Variants in TSNAXIP1 observed in about 807,000 individuals in gnomAD.
TSNAXIP1 encodes the protein translin-associated factor X-interacting protein 1.
A neutral mutation model predicts 84.8 loss-of-function variants in TSNAXIP1; 89 were observed. The ratio of observed to expected loss-of-function variants is 1.05; its 90% CI spans 0.88 to 1.25. TSNAXIP1 has a LOEUF of 1.25. TSNAXIP1 is among the 50% of genes most tolerant of loss of function. The pLI is 0.00. For missense variants in TSNAXIP1, 874 were observed against 887.6 expected (o/e 0.98, Z 0.20); for synonymous variants, 347 against 335.2 (o/e 1.04, Z -0.39).
At position 67,827,491 on chromosome 16, in the gene TSNAXIP1, G is replaced by A; in HGVS notation, c.1810G>A (p.Glu604Lys). The change falls in exon 15 of 16, where the codon GAG becomes AAG. Residue 604 changes from glutamate (E) to lysine (K), a missense_variant. By Grantham distance (56) the Glu-to-Lys change is moderately conservative. Transcript: ENST00000561639. The stretch of plus-strand genomic sequence containing the variant: ...CTCCCAGGATGAGGAGGGCCAGAGT[G>A]AGCCCTTTGTGCAAAAACTCTGGGA... The part of the protein sequence containing the change: ...LFMEDEEGQS[E>K]PFVQKLWEQY... 1 of 1,614,196 alleles carries A rather than the reference G, an allele frequency of 6.2e-7. No individual in the cohort carries two copies. Among genetic ancestry groups the A allele is most frequent in the Non-Finnish European group, 8.5e-7 (1 of 1,180,026 alleles).
intron 4 of TSNAXIP1, among the ~76,000 whole-genome samples, chr16:67,823,359 A>G (rs551758092): frequency 1.5e-3 from 225 of 152,214 alleles, no homozygotes; most frequent in African/African-American, 5.3e-3. Context: ...CCAGGCCAAC[A>G]TGGTGAAACC....
chr16:67,815,670 TGCA>T (rs2056483666), intron 2 of TSNAXIP1, among the ~76,000 whole-genome samples: 1 of 152,078 alleles, frequency 6.6e-6, no homozygotes, highest in African/African-American at 2.4e-5. Context: ...GGCTATTTTT[TGCA>T]TTTTTTGTAG....
At chr16:67,822,204 G>A (rs1296100487) in intron 4 of TSNAXIP1, among the ~76,000 whole-genome samples, 2 of 149,794 alleles carry the variant, frequency 1.3e-5, no homozygotes, top group African/African-American at 4.9e-5. Flanking sequence ...GCATGAACCT[G>A]GGAGGCGGAG....
chr16:67,811,786 G>A (rs924494044), intron 1 of TSNAXIP1, among the ~76,000 whole-genome samples: 2 of 152,076 alleles, frequency 1.3e-5, no homozygotes, highest in Non-Finnish European at 2.9e-5. Context: ...AACCCAGTGA[G>A]CACTTGGGGT....
chr16:67,819,297 G>A (rs1273079552), intron 2 of TSNAXIP1, among the ~76,000 whole-genome samples: 1 of 146,640 alleles, frequency 6.8e-6, no homozygotes, highest in Non-Finnish European at 1.5e-5. Flanking sequence ...TGGCTGGAGT[G>A]CAAGGGGTCG....
Position 67,824,753 on chromosome 16 carries a change from G to A in TSNAXIP1, c.652G>A (p.Glu218Lys). 1.2e-6 allele frequency: 2 copies of A among 1,613,782 alleles called. No individual in the cohort carries two copies. The highest frequency in any genetic ancestry group is 1.7e-6 in the Non-Finnish European group (2 of 1,179,832). ...NLLKLIDKKN[E>K]EKISLQSEVT... ...GCTAAAACTCATCGACAAAAAGAATGAGGAGAAGATTTCATTGCAGAGCGA... is the reference window on the plus strand; with the variant it reads ...GCTAAAACTCATCGACAAAAAGAATAAGGAGAAGATTTCATTGCAGAGCGA... The change falls in exon 6 of 16, where the codon GAG becomes AAG. Residue 218 changes from glutamate (E) to lysine (K), a missense_variant. By Grantham distance (56) the Glu-to-Lys change is moderately conservative. Coordinates refer to ENST00000561639, the MANE Select transcript of TSNAXIP1 (RefSeq NM_001288990.3).
Position 67,827,866 on chromosome 16 carries a change from C to T in TSNAXIP1, c.2012C>T (p.Ser671Leu), listed in dbSNP as rs763671210. The part of the protein sequence containing the change: ...YMSQAFQLPE[S>L]EMPEEGDEKE... ...AGCCAGGCCTTCCAGCTCCCTGAGT[C>T]GGAAATGCCAGAGGAGGGTGACGAG... is the stretch of plus-strand genomic sequence containing the variant. Residue 671 changes from serine (S) to leucine (L), a missense_variant, in exon 16 of 16, where the codon TCG (serine) becomes TTG (leucine). Coordinates refer to ENST00000561639, the MANE Select transcript of TSNAXIP1 (RefSeq NM_001288990.3). 19 of 1,613,936 alleles carry T rather than the reference C, an allele frequency of 1.2e-5. No individual in the cohort carries two copies. Among genetic ancestry groups the T allele is most frequent in the East Asian group, 1.1e-4 (5 of 44,874 alleles).
At chr16:67,816,226 C>G (rs2056542653) in intron 2 of TSNAXIP1, among the ~76,000 whole-genome samples, 1 of 152,088 alleles carries the variant, frequency 6.6e-6, no homozygotes, top group South Asian at 2.1e-4. Context: ...CTCGGCCTCC[C>G]AAAGTGCTGG....
chr16:67,817,464 A>G (rs1171584787), intron 2 of TSNAXIP1, among the ~76,000 whole-genome samples: 2 of 145,086 alleles, frequency 1.4e-5, no homozygotes, highest in African/African-American at 2.6e-5. Flanking sequence ...CGTTTTTAGT[A>G]GAGACGAGGG....
At chr16:67,807,911 C>T (rs1440200559) in intron 1 of TSNAXIP1, 1 of 152,818 alleles carries the variant, frequency 6.5e-6, no homozygotes, top group Admixed American at 6.5e-5. Context: ...GGTGTATAGC[C>T]TCTGGGTACT....
rs1358091603 is a variant in TSNAXIP1, at chr16:67,825,121, G to T, written c.679-16G>T. On this transcript the variant is annotated splice_polypyrimidine_tract_variant and intron_variant, in intron 6 of 15. Transcript: ENST00000561639. ...TCCAGGGGCAGCCCCTGACCACACAGCCACCTTCTTGCCAGGTGACCAAAC... is the reference window on the plus strand; with the variant it reads ...TCCAGGGGCAGCCCCTGACCACACATCCACCTTCTTGCCAGGTGACCAAAC... 1 of 1,612,678 alleles carries T rather than the reference G, an allele frequency of 6.2e-7. No homozygotes were observed. Among genetic ancestry groups the T allele is most frequent in the Non-Finnish European group, 8.5e-7 (1 of 1,179,534 alleles).
chr16:67,814,698 T>G (rs1361496556), intron 2 of TSNAXIP1, among the ~76,000 whole-genome samples: 1 of 152,170 alleles, frequency 6.6e-6, no homozygotes, highest in Non-Finnish European at 1.5e-5. Flanking sequence ...CTCAGCATTC[T>G]GCAGCGGCCC....
At chr16:67,807,359 G>GTTC (rs1448884316) in intron 1 of TSNAXIP1, 163 bp downstream of exon 1, 3 of 1,533,176 alleles carry the variant, frequency 2.0e-6, no homozygotes, top group Non-Finnish European at 2.6e-6. Flanking sequence ...ATTTAGCCCA[G>GTTC]TGAAGACGTT....
At chr16:67,814,459 C>G (rs566010918) in intron 2 of TSNAXIP1, 58 bp downstream of exon 2, 1 of 1,396,226 alleles carries the variant, frequency 7.2e-7, no homozygotes, top group South Asian at 1.2e-5. Context: ...CTATCCGTCT[C>G]CCTTCCTGCA....
chr16:67,826,372 A>T, intron 10 of TSNAXIP1, 65 bp from the exon 11 acceptor site: 2 of 1,608,132 alleles, frequency 1.2e-6, no homozygotes, highest in Non-Finnish European at 1.7e-6. Flanking sequence ...CCAACTGGGG[A>T]TCTTCCCTGA....
At chr16:67,814,846 A>G (rs2056409749) in intron 2 of TSNAXIP1, among the ~76,000 whole-genome samples, 1 of 152,112 alleles carries the variant, frequency 6.6e-6, no homozygotes, top group Admixed American at 6.6e-5. Context: ...AGGCTACCTG[A>G]ATGTCTGCCA....
chr16:67,824,193 C>A (rs1384734498), intron 5 of TSNAXIP1, among the ~76,000 whole-genome samples: 1 of 152,028 alleles, frequency 6.6e-6, no homozygotes, highest in African/African-American at 2.4e-5. Context: ...CATGATAGGG[C>A]ACCCCAGAGC....
At chr16:67,811,802 T>C (rs1244156673) in intron 1 of TSNAXIP1, among the ~76,000 whole-genome samples, 1 of 152,130 alleles carries the variant, frequency 6.6e-6, no homozygotes, top group Non-Finnish European at 1.5e-5. Context: ...GGGGTTGATC[T>C]GTTGTATCTT....
chr16:67,815,797 C>T (rs2056494670), intron 2 of TSNAXIP1, among the ~76,000 whole-genome samples: 1 of 151,328 alleles, frequency 6.6e-6, no homozygotes, highest in African/African-American at 2.4e-5. Flanking sequence ...CCACACTGAG[C>T]TCAATACTGT....
Sources: gnomAD v4.1 joint callset for allele counts (sites outside exome capture counted in the v4.1 genomes callset) on GRCh38, gnomAD v4.1.1 for gene constraint, MANE v1.5 for transcripts, NCBI Gene and HGNC (gene_info 2026-07-23, HGNC 2026-07-21) for gene names.